RET: variants seen among roughly 807,000 people sequenced by gnomAD.
RET encodes proto-oncogene tyrosine-protein kinase receptor Ret.
In RET, 19 loss-of-function variants were observed where a neutral mutation model predicts 118.3. The observed-to-expected ratio is 0.16, with a 90% confidence interval of 0.11 to 0.24. The LOEUF is 0.24. Among genes scored for constraint, RET ranks in the 10% least tolerant of loss-of-function variants. The pLI, the probability that RET is intolerant of heterozygous loss-of-function variation, is 1.00. For missense variants in RET, 1,219 were observed against 1,502.1 expected, an observed-to-expected ratio of 0.81 and a Z score of 3.12; for synonymous variants, 597 against 644.1, an observed-to-expected ratio of 0.93 and a Z score of 1.11.
chr10:43,092,519 A>T (rs1373281462), intron 1 of RET, among the ~76,000 whole-genome samples: 1 of 152,264 alleles, frequency 6.6e-6, no homozygotes, highest in Non-Finnish European at 1.5e-5. Context: ...CTCTCTTTAT[A>T]TACACCTCCA....
intron 3 of RET, 195 bp downstream of exon 3, chr10:43,102,824 A>G (rs778907222): frequency 3.3e-5 from 22 of 664,976 alleles, no homozygotes; most frequent in Non-Finnish European, 4.9e-5. Flanking sequence ...CAATGAACAC[A>G]ACGGGTTGGA....
chr10:43,095,756 T>A (rs1837509883), intron 1 of RET, among the ~76,000 whole-genome samples: 1 of 152,144 alleles, frequency 6.6e-6, no homozygotes, highest in African/African-American at 2.4e-5. Context: ...ATACACACAC[T>A]CATGACACAC....
At chr10:43,083,585 C>T (rs1454323753) in intron 1 of RET, among the ~76,000 whole-genome samples, 1 of 152,190 alleles carries the variant, frequency 6.6e-6, no homozygotes, top group African/African-American at 2.4e-5. Context: ...GATCCTGTCA[C>T]ATGGTCGTTC....
At position 43,100,643 on chromosome 10, in the gene RET, C is replaced by T. The variant is rs1837620069; in HGVS notation, c.258C>T (p.Ile86=). The change falls in exon 2 of 20, where the codon ATC becomes ATT. Residue 86 remains isoleucine, a synonymous_variant. Transcript: ENST00000355710. The part of the protein sequence containing the change: ...YRTRLHENNW[I]CIQEDTGLLY... ...CACGGCTGCATGAGAACAACTGGAT[C>T]TGCATCCAGGAGGACACCGGCCTCC... 6.2e-7 allele frequency: 1 copy of T among 1,613,486 alleles called. No homozygotes were observed.
chr10:43,082,814 T>G (rs905591890), intron 1 of RET, among the ~76,000 whole-genome samples: 5 of 152,154 alleles, frequency 3.3e-5, no homozygotes, highest in African/African-American at 1.2e-4. Context: ...AAGTAATGAC[T>G]GGGGAGATGT....
chr10:43,082,057 G>C (rs1362806783), intron 1 of RET, among the ~76,000 whole-genome samples: 1 of 152,186 alleles, frequency 6.6e-6, no homozygotes, highest in Non-Finnish European at 1.5e-5. Context: ...TCCCGCAGCT[G>C]TGTGATCATG....
intron 5 of RET, among the ~76,000 whole-genome samples, chr10:43,108,757 A>G (rs1456300137): frequency 6.6e-6 from 1 of 152,164 alleles, no homozygotes; most frequent in Non-Finnish European, 1.5e-5. Context: ...AGCATATCAT[A>G]CACACAGACA....
At chr10:43,107,105 C>G (rs2132725913) in intron 5 of RET, among the ~76,000 whole-genome samples, 1 of 152,352 alleles carries the variant, frequency 6.6e-6, no homozygotes, top group East Asian at 1.9e-4. Flanking sequence ...TGCTTCCTGC[C>G]TCCCTCCGCC....
Position 43,111,302 on chromosome 10 carries a change from G to A in RET, c.1359G>A (p.Gly453=). 3 of 1,614,152 alleles carry A rather than the reference G, an allele frequency of 1.9e-6. No individual in the cohort carries two copies. Among genetic ancestry groups the A allele is most frequent in the Non-Finnish European group, 2.5e-6 (3 of 1,180,038 alleles). The part of the protein sequence containing the change: ...HSSGANCSTL[G]VVTSAEDTSG... ...CTGGTGCCAACTGCAGCACGCTAGG[G>A]GTGGTCACCTCAGCCGAGGACACCT... Residue 453 remains glycine, a synonymous_variant, in exon 7 of 20, where the codon GGG becomes GGA. Coordinates refer to ENST00000355710, the MANE Select transcript of RET (RefSeq NM_020975.6).
intron 11 of RET, among the ~76,000 whole-genome samples, chr10:43,115,908 GA>G (rs1838060482): frequency 6.6e-6 from 1 of 152,238 alleles, no homozygotes; most frequent in African/African-American, 2.4e-5. Context: ...GCCAGACCAG[GA>G]CAGCCCAGGA....
chr10:43,088,243 ATGG>A lies in RET; in HGVS notation c.73+10922_73+10924del, dbSNP rs765904618. Among the ~76,000 whole-genome samples the A allele has an allele frequency of 3.1e-4, 43 of 137,306 alleles. No individual in the cohort carries two copies. The East Asian group carries it at 7.4e-3, about 23-fold the overall frequency. 90.1% of individuals were successfully genotyped at this position (137,306 alleles called of 152,430 possible). A position where few individuals can be genotyped will look rare whatever the true frequency, so the allele number is the denominator to read the frequency against. On this transcript the variant is annotated intron_variant, in intron 1 of 19. Coordinates refer to ENST00000355710, the MANE Select transcript of RET (RefSeq NM_020975.6). ...GGTGGTGGAGGCAATGGTGGTGGTG[ATGG>A]TGGTGGTGGAGGCCATGGTATTAGT... is the stretch of plus-strand genomic sequence containing the variant.
chr10:43,111,771 T>G (rs1311694178), intron 7 of RET, among the ~76,000 whole-genome samples: 3 of 152,226 alleles, frequency 2.0e-5, no homozygotes, highest in Non-Finnish European at 1.5e-5. Context: ...CTTAGGAACA[T>G]GCTGACACAG....
chr10:43,091,245 T>C (rs989375973), intron 1 of RET, among the ~76,000 whole-genome samples: 2 of 152,066 alleles, frequency 1.3e-5, no homozygotes, highest in Non-Finnish European at 2.9e-5. Context: ...GGAGAAAAAC[T>C]TGTAATTCAT....
chr10:43,082,057 G>T (rs1362806783), intron 1 of RET, among the ~76,000 whole-genome samples: 3 of 152,186 alleles, frequency 2.0e-5, no homozygotes, highest in Non-Finnish European at 4.4e-5. Flanking sequence ...TCCCGCAGCT[G>T]TGTGATCATG....
intron 1 of RET, among the ~76,000 whole-genome samples, chr10:43,085,564 AC>A (rs1765249440): frequency 6.6e-6 from 1 of 151,814 alleles, no homozygotes; most frequent in South Asian, 2.1e-4. Flanking sequence ...TTCTGTGGAT[AC>A]TCCTGCATAG....
At chr10:43,117,999 C>T (rs894044541) in intron 12 of RET, among the ~76,000 whole-genome samples, 7 of 152,132 alleles carry the variant, frequency 4.6e-5, no homozygotes, top group Admixed American at 2.6e-4. Flanking sequence ...AGGGCCTCTC[C>T]CGACAAGTGG....
intron 1 of RET, among the ~76,000 whole-genome samples, chr10:43,078,752 G>A (rs1837111024): frequency 6.6e-6 from 1 of 152,224 alleles, no homozygotes; most frequent in South Asian, 2.1e-4. Context: ...CAGTGAGGCT[G>A]TGGGGGCCAG....
intron 1 of RET, among the ~76,000 whole-genome samples, chr10:43,077,590 G>A (rs1837077052): frequency 6.6e-6 from 1 of 151,650 alleles, no homozygotes; most frequent in Admixed American, 6.6e-5. Context: ...CGCGGGGGTC[G>A]GTGCTCAGAA....
In RET at chr10:43,109,004, T is replaced by C. The variant is rs199778599; in HGVS notation, c.1064-27T>C. 37 of 1,607,090 alleles carry C rather than the reference T, an allele frequency of 2.3e-5. No individual in the cohort carries two copies. The South Asian group carries it at 2.4e-4, about 10-fold the overall frequency. ...TGAGGAAGCAGCCAGAGCAGCTTGG[T>C]GGTCATTGTTGTGCCCCTACCTGCA... On this transcript the variant is annotated intron_variant, in intron 5 of 19. Transcript: ENST00000355710.
Sources: gnomAD v4.1 joint callset for allele counts (sites outside exome capture counted in the v4.1 genomes callset) on GRCh38, gnomAD v4.1.1 for gene constraint, MANE v1.5 for transcripts, NCBI Gene and HGNC (gene_info 2026-07-23, HGNC 2026-07-21) for gene names.